HK2: variants seen among roughly 807,000 people sequenced by gnomAD.
HK2 encodes hexokinase 2, also known as hexokinase-2.
In HK2, 42 loss-of-function variants were observed where a neutral mutation model predicts 92.9. That is an observed-to-expected ratio of 0.45 (90% confidence interval 0.35 to 0.58). The LOEUF (loss-of-function observed/expected upper bound fraction) is 0.58. HK2 is among the 20% of genes least tolerant of loss of function. The probability of loss-of-function intolerance (pLI) is 0.00; values close to 1 mark genes in which losing one functional copy is unlikely to be tolerated. For missense variants in HK2, 978 were observed against 1,245.1 expected, an observed-to-expected ratio of 0.79 and a Z score of 3.23; for synonymous variants, 422 against 468.0, an observed-to-expected ratio of 0.90 and a Z score of 1.27.
chr2:74,880,411 A>G lies in HK2; in HGVS notation c.1412A>G (p.Gln471Arg), dbSNP rs1334840351. Residue 471 changes from glutamine to arginine, a missense_variant, in exon 10 of 18, where the codon CAG (glutamine) becomes CGG (arginine). By Grantham distance (43) the Gln-to-Arg change is conservative. Around this residue, in one of 3 missense-constraint regions of HK2, gnomAD observed 742 missense variants for 922.5 expected, o/e 0.80. Coordinates refer to ENST00000290573, the MANE Select transcript of HK2 (RefSeq NM_000189.5). Reference protein sequence around the residue: ...YRLADQHRARQKTLEHLQLSH... With the variant: ...YRLADQHRARRKTLEHLQLSH... ...CTGGCCGATCAACACCGTGCCCGCC[A>G]GAAGACATTAGAGCATCTGCAGCTG... 1.2e-6 allele frequency: 2 copies of G among 1,614,244 alleles called. No homozygotes were observed. Among genetic ancestry groups the G allele is most frequent in the Admixed American group, 1.7e-5 (1 of 60,028 alleles).
At chr2:74,880,671 G>T in intron 10 of HK2, 102 bp downstream of exon 10, 4 of 1,217,666 alleles carry the variant, frequency 3.3e-6, no homozygotes, top group Non-Finnish European at 4.7e-6. Context: ...ATTTGAACCA[G>T]AACACGTTTC....
rs759978490 is a variant in HK2 at position 74,874,335 on chromosome 2, G to A, written c.761G>A (p.Arg254Gln). 1.2e-6 allele frequency: 2 copies of A among 1,614,176 alleles called. No individual in the cohort carries two copies. Among genetic ancestry groups the A allele is most frequent in the East Asian group, 2.2e-5 (1 of 44,860 alleles). The change falls in exon 7 of 18, where the codon CGG becomes CAG. Residue 254 changes from arginine (R) to glutamine (Q), a missense_variant. Physicochemically the swap from Arg to Gln is conservative, Grantham distance 43. Coordinates refer to ENST00000290573, the MANE Select transcript of HK2 (RefSeq NM_000189.5). ...HIDMVEGDEGRMCINMEWGAF... is the reference protein window; with the variant it reads ...HIDMVEGDEGQMCINMEWGAF... Reference sequence around the variant, plus strand: ...GACATGGTGGAAGGCGATGAGGGGCGGATGTGTATCAATATGGAGTGGGGG... The same window carrying A: ...GACATGGTGGAAGGCGATGAGGGGCAGATGTGTATCAATATGGAGTGGGGG...
chr2:74,872,198 T>G (rs1430438192), intron 3 of HK2, 102 bp from the exon 4 acceptor site: 1 of 1,187,434 alleles, frequency 8.4e-7, no homozygotes, highest in Non-Finnish European at 1.2e-6. Context: ...GATATGGGTT[T>G]TGCACACATT....
intron 2 of HK2, 101 bp from the exon 3 acceptor site, chr2:74,867,535 T>C: frequency 7.4e-7 from 1 of 1,346,812 alleles, no homozygotes; most frequent in East Asian, 2.3e-5. Context: ...TGGCCGCCCC[T>C]TACCCACAGA....
At chr2:74,888,902 G>A (rs1306230245) in intron 16 of HK2, among the ~76,000 whole-genome samples, 4 of 152,158 alleles carry the variant, frequency 2.6e-5, no homozygotes, top group African/African-American at 9.7e-5. Context: ...CCCATGAACA[G>A]CAGCGAGAAA....
At chr2:74,855,060 G>A (rs1343800406) in intron 2 of HK2, among the ~76,000 whole-genome samples, 1 of 152,164 alleles carries the variant, frequency 6.6e-6, no homozygotes, top group African/African-American at 2.4e-5. Flanking sequence ...GCAATGATGC[G>A]ATCTCGGCTC....
chr2:74,843,047 A>G (rs1425105658), intron 1 of HK2, among the ~76,000 whole-genome samples: 2 of 152,046 alleles, frequency 1.3e-5, no homozygotes, highest in Non-Finnish European at 1.5e-5. Flanking sequence ...TCATCCTCAC[A>G]TCTCTCCCAG....
intron 2 of HK2, among the ~76,000 whole-genome samples, chr2:74,864,903 G>GT (rs1383836628): frequency 1.1e-4 from 17 of 152,334 alleles, no homozygotes; most frequent in African/African-American, 4.1e-4. Flanking sequence ...TGTTCTACAG[G>GT]TGAGGTGACA....
chr2:74,851,326 C>A (rs890305951), intron 1 of HK2, among the ~76,000 whole-genome samples: 1 of 152,172 alleles, frequency 6.6e-6, no homozygotes, highest in African/African-American at 2.4e-5. Context: ...AATGCTTAGC[C>A]GCTGTAACCA....
intron 13 of HK2, among the ~76,000 whole-genome samples, chr2:74,885,930 T>C (rs1565063): frequency 0.041 from 6,181 of 149,114 alleles, 208 homozygotes; most frequent in Non-Finnish European, 0.063. Context: ...AAAACAGCCA[T>C]GAGGGCTGCT....
At chr2:74,885,427 TG>T in intron 12 of HK2, 66 bp from the exon 13 acceptor site, 1 of 1,090,748 alleles carries the variant, frequency 9.2e-7, no homozygotes, top group Non-Finnish European at 1.4e-6. Flanking sequence ...GAAGCACAGC[TG>T]GACCCCCAGA....
rs562273608 is a variant in HK2 at position 74,859,205 on chromosome 2, T to C, written c.226+4750T>C. Among the ~76,000 whole-genome samples, 3 of 152,342 alleles carry C rather than the reference T, an allele frequency of 2.0e-5. No individual in the cohort carries two copies. In the East Asian group the frequency reaches 5.8e-4, roughly 29 times the overall value. On this transcript the variant is annotated intron_variant, in intron 2 of 17. Transcript: ENST00000290573. ...AGTCCAGCTTGTTATAATTGATGCA[T>C]TACAAAACATAAATTGCTGAGAAAG...
rs762757691 is a variant in HK2, at chr2:74,878,728, C to T, written c.1072C>T (p.Arg358Trp). Residue 358 changes from arginine to tryptophan, a missense_variant, in exon 9 of 18, where the codon CGG becomes TGG. Physicochemically the swap from Arg to Trp is moderately radical, Grantham distance 101 (BLOSUM62 -3). This residue lies in a region of HK2 where 742 missense variants were observed against 922.5 expected (regional missense o/e 0.80). Transcript: ENST00000290573. ...CCGGAAGGCCCGTGAGGTCCTGATG[C>T]GGTTGGGCCTGGACCCGACTCAGGA... ...GIRKAREVLMRLGLDPTQEDC... is the reference protein window; with the variant it reads ...GIRKAREVLMWLGLDPTQEDC... 8.7e-6 allele frequency: 14 copies of T among 1,606,630 alleles called. 1 individual carries two copies. The highest frequency in any genetic ancestry group is 1.3e-5 in the African/African-American group (1 of 74,818).
rs922555663 is a variant in HK2, at chr2:74,834,221, G to C, written c.-360G>C. On this transcript the variant is annotated 5_prime_UTR_variant, in exon 1 of 18. Coordinates refer to ENST00000290573, the MANE Select transcript of HK2 (RefSeq NM_000189.5). The surrounding 1 kb of genome is among the most constrained non-coding windows in gnomAD (Gnocchi z 4.2). ...GAAAATCCGCGGGCCCGAGCCACGC[G>C]CCTGTGAATCGGAGAGGTCCCACTG... 5.2e-6 allele frequency: 2 copies of C among 387,714 alleles called. No homozygotes were observed. Among genetic ancestry groups the C allele is most frequent in the Non-Finnish European group, 9.9e-6 (2 of 202,382 alleles). 24.0% of individuals were successfully genotyped at this position (387,714 alleles called of 1,614,324 possible).
rs771274151 is a variant in HK2, at chr2:74,874,387, C to T, written c.813C>T (p.Asn271=). 7.3e-5 allele frequency: 118 copies of T among 1,613,466 alleles called. No homozygotes were observed. In the East Asian group the frequency reaches 9.4e-4, roughly 13 times the overall value. The change falls in exon 7 of 18, where the codon AAC becomes AAT. Residue 271 remains asparagine (N), a synonymous_variant. Transcript: ENST00000290573. ...WGAFGDDGSL[N]DIRTEFDQEI... is the part of the protein sequence containing the mutation. The stretch of plus-strand genomic sequence containing the variant: ...CCTTCGGGGACGATGGCTCGCTCAA[C>T]GACATTCGCACTGAGTTTGACCAGG...
At chr2:74,866,810 AG>A (rs1228902520) in intron 2 of HK2, among the ~76,000 whole-genome samples, 1 of 152,082 alleles carries the variant, frequency 6.6e-6, no homozygotes, top group African/African-American at 2.4e-5. Flanking sequence ...AGATCCTTTG[AG>A]GGGGCACCTG....
intron 4 of HK2, 38 bp from the exon 5 acceptor site, chr2:74,873,238 A>G: frequency 6.8e-7 from 1 of 1,476,302 alleles, no homozygotes; most frequent in Admixed American, 1.7e-5. Flanking sequence ...TTTCAGTTTT[A>G]GTGGGAAATC....
intron 2 of HK2, among the ~76,000 whole-genome samples, chr2:74,858,852 G>T (rs2103903045): frequency 6.6e-6 from 1 of 152,276 alleles, no homozygotes. Flanking sequence ...GCTCTTGTGT[G>T]AGAAGGCAGG....
In HK2 at chr2:74,882,605, T is replaced by TTATATATATATATATATATA. The variant is rs141761906; in HGVS notation, c.1839+382_1839+383insTATATATATATATATATATA. Among the ~76,000 whole-genome samples the TTATATATATATATATATATA allele has an allele frequency of 8.8e-3, 669 of 75,636 alleles. 86 individuals are homozygous for TTATATATATATATATATATA. The highest frequency in any genetic ancestry group is 0.02 in the African/African-American group (454 of 22,674). The allele number at this position is 75,636 out of a possible 152,430, so 49.6% of individuals were successfully genotyped here. On this transcript the variant is annotated intron_variant, in intron 12 of 17. Coordinates refer to ENST00000290573, the MANE Select transcript of HK2 (RefSeq NM_000189.5). ...TAGGAAGACCCCATCTCTATTGAACTTATATATATATATATAGCATTTTTA... is the reference window on the plus strand; with the variant it reads ...TAGGAAGACCCCATCTCTATTGAACTTATATATATATATATATATATATATATATATATATAGCATTTTTA...
Sources: allele counts gnomAD v4.1 joint callset (sites outside exome capture counted in the v4.1 genomes callset), GRCh38; gene constraint gnomAD v4.1.1; regional missense constraint gnomAD v4.1.1; non-coding constraint Gnocchi (gnomAD v3.1); transcripts MANE v1.5; gene names NCBI Gene and HGNC (gene_info 2026-07-23, HGNC 2026-07-21).